The following RNF123 variants were observed in gnomAD, a reference collection of about 807,000 sequenced individuals.
The protein encoded by RNF123 is E3 ubiquitin-protein ligase RNF123.
RNF123 carries 86 observed loss-of-function variants against 168.5 expected under a neutral mutation model. That is an observed-to-expected ratio of 0.51 (90% CI 0.43 to 0.61). RNF123 has a LOEUF of 0.61. Ranked by LOEUF, RNF123 falls within the 20% of genes least tolerant of loss-of-function variation. The pLI, the probability that RNF123 is intolerant of heterozygous loss-of-function variation, is 0.00. For synonymous variants in RNF123, 666 were observed against 689.1 expected (o/e 0.97, Z 0.52); for missense variants, 1,419 against 1,729.7 (o/e 0.82, Z 3.19).
Position 49,691,125 on chromosome 3 carries a change from C to T in RNF123, c.-36-5C>T, listed in dbSNP as rs1331124970. ...CTGAGTAGACAGGCTCTGTGTCTGGCTCAGCCCCCAGGACCACTGGCTGCC... is the reference window on the plus strand; with the variant it reads ...CTGAGTAGACAGGCTCTGTGTCTGGTTCAGCCCCCAGGACCACTGGCTGCC... On this transcript the variant is annotated splice_region_variant and splice_polypyrimidine_tract_variant and intron_variant, in intron 1 of 38. Transcript: ENST00000327697. 6.3e-7 allele frequency: 1 copy of T among 1,593,328 alleles called. No homozygotes were observed. Among genetic ancestry groups the T allele is most frequent in the Admixed American group, 1.7e-5 (1 of 59,690 alleles).
At position 49,698,140 on chromosome 3, in the gene RNF123, A is replaced by G. The variant is rs1316396497; in HGVS notation, c.483+3A>G. 2 of 1,613,340 alleles carry G rather than the reference A, an allele frequency of 1.2e-6. No individual in the cohort carries two copies. Among genetic ancestry groups the G allele is most frequent in the Non-Finnish European group, 1.7e-6 (2 of 1,179,614 alleles). ...TCAGCTGCCGCTTCAACCAGGAGGT[A>G]CACGTTGGGGAGGGGACCCCTCCCT... On this transcript the variant is annotated splice_donor_region_variant and intron_variant, in intron 7 of 38. Transcript: ENST00000327697.
intron 1 of RNF123, among the ~76,000 whole-genome samples, chr3:49,690,781 G>A (rs1246991723): frequency 6.6e-6 from 1 of 152,216 alleles, no homozygotes; most frequent in Non-Finnish European, 1.5e-5. Flanking sequence ...ATGGATACAG[G>A]GGCTCTGCCC....
intron 2 of RNF123, 36 bp from the exon 3 acceptor site, chr3:49,691,389 A>T: frequency 6.2e-7 from 1 of 1,611,710 alleles, no homozygotes; most frequent in East Asian, 2.2e-5. Context: ...TGCACTGATC[A>T]TGTGGCCCTT....
At chr3:49,704,508 G>A in intron 21 of RNF123, 142 bp from the exon 22 acceptor site, 1 of 633,690 alleles carries the variant, frequency 1.6e-6, no homozygotes, top group South Asian at 2.1e-5. Context: ...GGAGGCGGAG[G>A]GGCGAGGGGC....
chr3:49,699,423 C>T lies in RNF123; in HGVS notation c.765-45C>T. On this transcript the variant is annotated intron_variant, in intron 10 of 38. Coordinates refer to ENST00000327697, the MANE Select transcript of RNF123 (RefSeq NM_022064.5). The surrounding 1 kb of genome is among the most constrained non-coding windows in gnomAD (Gnocchi z 4.8). Reference sequence around the variant, plus strand: ...GGGTGGGCAGTGGAGAGGGAGTAGGCATGTCTGAGCCACAGATAAGGCGTT... The same window carrying T: ...GGGTGGGCAGTGGAGAGGGAGTAGGTATGTCTGAGCCACAGATAAGGCGTT... 6.8e-7 allele frequency: 1 copy of T among 1,480,334 alleles called. No individual in the cohort carries two copies. The highest frequency in any genetic ancestry group is 1.2e-5 in the South Asian group (1 of 83,048). 91.7% of individuals were successfully genotyped at this position (1,480,334 alleles called of 1,614,324 possible).
intron 3 of RNF123, among the ~76,000 whole-genome samples, chr3:49,692,422 G>T (rs754353282): frequency 6.6e-6 from 1 of 152,168 alleles, no homozygotes; most frequent in Non-Finnish European, 1.5e-5. Flanking sequence ...CATGCAATGC[G>T]TAATAATCAC....
intron 34 of RNF123, 72 bp downstream of exon 34, chr3:49,716,249 G>T: frequency 6.3e-7 from 1 of 1,578,086 alleles, no homozygotes; most frequent in South Asian, 1.1e-5. Context: ...AGTGAGGCCT[G>T]ATTCCACATT....
At chr3:49,718,201 G>A in intron 35 of RNF123, 4 of 1,612,200 alleles carry the variant, frequency 2.5e-6, no homozygotes, top group Non-Finnish European at 3.4e-6. Context: ...CGGGCTGGGT[G>A]TTTGGGGCCA....
chr3:49,705,194 G>T lies in RNF123; in HGVS notation c.2158+12G>T, dbSNP rs760517129. On this transcript the variant is annotated intron_variant, in intron 23 of 38. Transcript: ENST00000327697. Reference sequence around the variant, plus strand: ...GACCCGTGAGGACAGTAGGTGCTTGGTGGGGTCAGGCAGGTCCCCGAAGGA... The same window carrying T: ...GACCCGTGAGGACAGTAGGTGCTTGTTGGGGTCAGGCAGGTCCCCGAAGGA... The T allele has an allele frequency of 1.3e-6, 2 of 1,590,804 alleles. No individual in the cohort carries two copies. Among genetic ancestry groups the T allele is most frequent in the Non-Finnish European group, 1.7e-6 (2 of 1,168,228 alleles).
At chr3:49,693,330 G>A (rs1314060624) in intron 3 of RNF123, among the ~76,000 whole-genome samples, 2 of 142,574 alleles carry the variant, frequency 1.4e-5, no homozygotes, top group South Asian at 2.3e-4. Flanking sequence ...TTACAGGCGT[G>A]AGCCAGTGTG....
intron 23 of RNF123, 116 bp downstream of exon 23, chr3:49,705,298 C>T: frequency 7.5e-7 from 1 of 1,332,164 alleles, no homozygotes; most frequent in Non-Finnish European, 1.0e-6. Flanking sequence ...GGCCTGGCAG[C>T]ATCCCAGGAG....
intron 35 of RNF123, chr3:49,719,465 TGGC>T (rs762666788): frequency 3.9e-5 from 63 of 1,609,922 alleles, no homozygotes; most frequent in South Asian, 1.1e-4. Flanking sequence ...AACCAGGTCA[TGGC>T]GGCGACCACC....
chr3:49,698,761 G>A lies in RNF123; in HGVS notation c.577G>A (p.Ala193Thr). The change falls in exon 9 of 39, where the codon GCA becomes ACA. Residue 193 changes from alanine to threonine, a missense_variant. Coordinates refer to ENST00000327697, the MANE Select transcript of RNF123 (RefSeq NM_022064.5). ...VTTTNYGKAW[A>T]AGDIVSCLID... ...AGGCCTCCTCTCATGGCAGGCGTGG[G>A]CAGCGGGGGACATCGTGAGCTGCCT... 6.2e-7 allele frequency: 1 copy of A among 1,613,708 alleles called. No homozygotes were observed. The highest frequency in any genetic ancestry group is 1.7e-5 in the Admixed American group (1 of 59,990).
Position 49,698,987 on chromosome 3 carries a change from G to GT in RNF123, c.647dup (p.Ser217IlefsTer7). The GT allele has an allele frequency of 6.2e-7, 1 of 1,613,924 alleles. No homozygotes were observed. The highest frequency in any genetic ancestry group is 2.2e-5 in the East Asian group (1 of 44,884). On this transcript the variant is annotated frameshift_variant, in exon 10 of 39. Transcript: ENST00000327697. LOFTEE classifies it high-confidence loss of function. ...ACCCACCCTTCTCCCCAGGAACGGTGTATCACTGGGCACTGCCTTTGAGAA... is the reference window on the plus strand; with the variant it reads ...ACCCACCCTTCTCCCCAGGAACGGTGTTATCACTGGGCACTGCCTTTGAGAA...
chr3:49,705,993 C>G lies in RNF123; in HGVS notation c.2316C>G (p.Val772=). The G allele has an allele frequency of 1.2e-6, 2 of 1,614,010 alleles. No individual in the cohort carries two copies. The highest frequency in any genetic ancestry group is 1.7e-6 in the Non-Finnish European group (2 of 1,179,994). Residue 772 remains valine (V), a synonymous_variant, in exon 25 of 39, where the codon GTC becomes GTG. Coordinates refer to ENST00000327697, the MANE Select transcript of RNF123 (RefSeq NM_022064.5). Reference sequence around the variant, plus strand: ...CCCATGCTGTGTAGATGGTGGGTGTCTCCGATGATGTCAATGAATACGCTA... The same window carrying G: ...CCCATGCTGTGTAGATGGTGGGTGTGTCCGATGATGTCAATGAATACGCTA... ...VHQQLGKMVG[V]SDDVNEYAMA... is the part of the protein sequence containing the mutation.
intron 21 of RNF123, 39 bp downstream of exon 21, chr3:49,703,567 C>T (rs745594048): frequency 1.3e-6 from 2 of 1,541,382 alleles, no homozygotes; most frequent in South Asian, 2.3e-5. Context: ...GTTCTGGGGC[C>T]AGGTGGGGGA....
Position 49,699,177 on chromosome 3 carries a change from C to A in RNF123, c.764+72C>A. On this transcript the variant is annotated intron_variant, in intron 10 of 38. Coordinates refer to ENST00000327697, the MANE Select transcript of RNF123 (RefSeq NM_022064.5). The surrounding 1 kb of genome is among the most constrained non-coding windows in gnomAD (Gnocchi z 4.8). ...GAGGCTGGGATGAGGGGCTCCCTACCCCAGGGGTGCCATGGGCTGGTGGCA... is the reference window on the plus strand; with the variant it reads ...GAGGCTGGGATGAGGGGCTCCCTACACCAGGGGTGCCATGGGCTGGTGGCA... The A allele has an allele frequency of 6.5e-7, 1 of 1,546,914 alleles. No individual in the cohort carries two copies. The highest frequency in any genetic ancestry group is 8.7e-7 in the Non-Finnish European group (1 of 1,145,818).
intron 38 of RNF123, 35 bp from the exon 39 acceptor site, chr3:49,721,150 A>G: frequency 6.2e-7 from 1 of 1,614,126 alleles, no homozygotes; most frequent in South Asian, 1.1e-5. Flanking sequence ...CAGTAGGTAC[A>G]TGCAGGGCAG....
At chr3:49,706,532 C>T (rs1045753249) in intron 25 of RNF123, among the ~76,000 whole-genome samples, 1 of 152,366 alleles carries the variant, frequency 6.6e-6, no homozygotes, top group African/African-American at 2.4e-5. Context: ...GGCATCAGGT[C>T]CCTGGGTGCT....
Sources: gnomAD v4.1 joint callset for allele counts (sites outside exome capture counted in the v4.1 genomes callset) on GRCh38, gnomAD v4.1.1 for gene constraint, Gnocchi (gnomAD v3.1) non-coding constraint, MANE v1.5 for transcripts, NCBI Gene and HGNC (gene_info 2026-07-23, HGNC 2026-07-21) for gene names.